The following LUZP2 variants were observed in gnomAD, a reference collection of about 807,000 sequenced individuals.
LUZP2 encodes the protein leucine zipper protein 2.
A neutral mutation model predicts 51.6 loss-of-function variants in LUZP2; 52 were observed. That is an observed-to-expected ratio of 1.01 (90% CI 0.81 to 1.27). The LOEUF (loss-of-function observed/expected upper bound fraction) is 1.27. LUZP2 is among the 50% of genes most tolerant of loss of function. The pLI is 0.00. For missense variants in LUZP2, 436 were observed against 395.4 expected, an observed-to-expected ratio of 1.10 and a Z score of -0.87; for synonymous variants, 154 against 137.3, an observed-to-expected ratio of 1.12 and a Z score of -0.85.
intron 5 of LUZP2, among the ~76,000 whole-genome samples, chr11:24,800,560 A>C (rs1849668926): frequency 6.6e-6 from 1 of 151,830 alleles, no homozygotes; most frequent in Non-Finnish European, 1.5e-5. Context: ...AAAATACAAA[A>C]AAACAAAAAA....
chr11:24,654,160 T>C (rs981191067), intron 1 of LUZP2, among the ~76,000 whole-genome samples: 1 of 152,174 alleles, frequency 6.6e-6, no homozygotes, highest in African/African-American at 2.4e-5. Context: ...ACATCGTAAC[T>C]GGAAGGATGA....
In LUZP2 at chr11:24,572,246, ATTTAT is replaced by A. The variant is rs1348440863; in HGVS notation, c.62+74947_62+74951del. ...TTTCAGTTTTTAGAACACTGTAAAAATTTATTTTATCCTTATTAATTTATTTAAGA... is the reference window on the plus strand; with the variant it reads ...TTTCAGTTTTTAGAACACTGTAAAAATTTATCCTTATTAATTTATTTAAGA... On this transcript the variant is annotated intron_variant, in intron 1 of 11. Coordinates refer to ENST00000336930, the MANE Select transcript of LUZP2 (RefSeq NM_001009909.4). Among the ~76,000 whole-genome samples, 4 of 152,062 alleles carry A rather than the reference ATTTAT, an allele frequency of 2.6e-5. No individual in the cohort carries two copies. The East Asian group carries it at 7.7e-4, about 29-fold the overall frequency.
At chr11:24,649,804 A>T (rs574697982) in intron 1 of LUZP2, among the ~76,000 whole-genome samples, 4 of 152,000 alleles carry the variant, frequency 2.6e-5, no homozygotes, top group Admixed American at 2.6e-4. Context: ...ATTTTTCAAG[A>T]TGGGATAATA....
At chr11:24,969,021 A>G (rs1361372405) in intron 7 of LUZP2, among the ~76,000 whole-genome samples, 2 of 152,268 alleles carry the variant, frequency 1.3e-5, no homozygotes, top group East Asian at 3.9e-4. Flanking sequence ...GTTATATTTT[A>G]GGTTTGAGAG....
intron 5 of LUZP2, among the ~76,000 whole-genome samples, chr11:24,847,699 G>T (rs2134214091): frequency 6.6e-6 from 1 of 152,246 alleles, no homozygotes; most frequent in Middle Eastern, 3.4e-3. Flanking sequence ...ATTCGTTGAT[G>T]AATATTGTCT....
At chr11:24,655,649 C>T (rs1855776542) in intron 1 of LUZP2, among the ~76,000 whole-genome samples, 1 of 152,150 alleles carries the variant, frequency 6.6e-6, no homozygotes, top group Non-Finnish European at 1.5e-5. Context: ...ATAGATTACA[C>T]AGGACATCTG....
intron 1 of LUZP2, among the ~76,000 whole-genome samples, chr11:24,591,660 T>C (rs758983808): frequency 1.3e-5 from 2 of 152,116 alleles, no homozygotes; most frequent in Non-Finnish European, 2.9e-5. Context: ...TTCAGATCAA[T>C]TGTACGACCT....
chr11:24,539,183 T>C (rs1851279642), intron 1 of LUZP2, among the ~76,000 whole-genome samples: 1 of 151,902 alleles, frequency 6.6e-6, no homozygotes, highest in African/African-American at 2.4e-5. Flanking sequence ...GAACAAAAAA[T>C]GTTCTTCTCT....
intron 1 of LUZP2, among the ~76,000 whole-genome samples, chr11:24,704,817 T>C (rs987226202): frequency 6.6e-6 from 1 of 152,148 alleles, no homozygotes; most frequent in Non-Finnish European, 1.5e-5. Context: ...AAGCTGACTC[T>C]AAAGTAGCAC....
At chr11:25,004,031 G>A (rs560596983) in intron 9 of LUZP2, among the ~76,000 whole-genome samples, 1 of 152,234 alleles carries the variant, frequency 6.6e-6, no homozygotes, top group South Asian at 2.1e-4. Flanking sequence ...GTACTGAGAA[G>A]GCCATACCAG....
intron 10 of LUZP2, among the ~76,000 whole-genome samples, chr11:25,058,898 G>C (rs1159734614): frequency 1.3e-5 from 2 of 152,126 alleles, no homozygotes; most frequent in Admixed American, 6.5e-5. Flanking sequence ...TAATAAATGT[G>C]AAAAATCAAT....
chr11:25,024,572 T>C (rs1397733825), intron 9 of LUZP2, among the ~76,000 whole-genome samples: 1 of 152,042 alleles, frequency 6.6e-6, no homozygotes, highest in Non-Finnish European at 1.5e-5. Context: ...ATAAAATACC[T>C]AGGAATCCAA....
chr11:24,610,673 C>T (rs968904575), intron 1 of LUZP2, among the ~76,000 whole-genome samples: 3 of 152,138 alleles, frequency 2.0e-5, no homozygotes, highest in Non-Finnish European at 4.4e-5. Context: ...GGGCATGCCA[C>T]GGTGGCTCAG....
chr11:25,048,231 A>T (rs1302131199), intron 9 of LUZP2, among the ~76,000 whole-genome samples: 1 of 152,152 alleles, frequency 6.6e-6, no homozygotes, highest in Non-Finnish European at 1.5e-5. Flanking sequence ...ACAAGCCAAC[A>T]ACTAAGTCTC....
intron 9 of LUZP2, among the ~76,000 whole-genome samples, chr11:25,005,156 T>G (rs947419140): frequency 3.3e-5 from 5 of 151,946 alleles, no homozygotes; most frequent in Non-Finnish European, 5.9e-5. Context: ...GATAGCCGGG[T>G]GGATTTTGTG....
At position 25,050,084 on chromosome 11, in the gene LUZP2, C is replaced by A; in HGVS notation, c.812C>A (p.Ser271Ter). 6.3e-7 allele frequency: 1 copy of A among 1,598,704 alleles called. No individual in the cohort carries two copies. Among genetic ancestry groups the A allele is most frequent in the Non-Finnish European group, 8.5e-7 (1 of 1,172,230 alleles). The change falls in exon 10 of 12, where the codon TCA becomes TAA. Residue 271 changes from serine (S) to a stop codon, truncating the protein, a stop_gained. Coordinates refer to ENST00000336930, the MANE Select transcript of LUZP2 (RefSeq NM_001009909.4). LOFTEE classifies it high-confidence loss of function. ...SGNNESSQVE[S>*]TKEGNPSTTA... The stretch of plus-strand genomic sequence containing the variant: ...AACAATGAGAGCTCTCAAGTTGAGT[C>A]AACAAAGGAAGGAAATCCAAGTACC...
intron 9 of LUZP2, among the ~76,000 whole-genome samples, chr11:24,998,051 C>T (rs140267617): frequency 0.029 from 4,455 of 152,168 alleles, 198 homozygotes; most frequent in African/African-American, 0.095. Context: ...AGTCAGGTAG[C>T]GTGATGCCTC....
chr11:24,574,436 T>A (rs1239469996), intron 1 of LUZP2, among the ~76,000 whole-genome samples: 6 of 150,890 alleles, frequency 4.0e-5, no homozygotes, highest in Admixed American at 1.3e-4. Flanking sequence ...TGTGTGTTAG[T>A]TAGTATATTT....
chr11:25,025,011 T>C (rs1049505739), intron 9 of LUZP2, among the ~76,000 whole-genome samples: 3 of 152,104 alleles, frequency 2.0e-5, no homozygotes, highest in African/African-American at 4.8e-5. Context: ...AACCATCTGA[T>C]CTTTGACAAA....
Sources: allele counts gnomAD v4.1 joint callset (sites outside exome capture counted in the v4.1 genomes callset), GRCh38; gene constraint gnomAD v4.1.1; transcripts MANE v1.5; gene names NCBI Gene and HGNC (gene_info 2026-07-23, HGNC 2026-07-21).